The following ADAMTS8 variants were observed in gnomAD, a reference collection of about 807,000 sequenced individuals.
ADAMTS8 encodes the protein A disintegrin and metalloproteinase with thrombospondin motifs 8.
In ADAMTS8, 50 loss-of-function variants were observed where a neutral mutation model predicts 64.4. That is an observed-to-expected ratio of 0.78 (90% CI 0.62 to 0.98). The LOEUF is 0.98. ADAMTS8 is among the 50% of genes least tolerant of loss of function. The pLI is 0.00. For synonymous variants in ADAMTS8, 556 were observed against 533.6 expected, an observed-to-expected ratio of 1.04 and a Z score of -0.58; for missense variants, 1,192 against 1,208.2, an observed-to-expected ratio of 0.99 and a Z score of 0.20.
intron 8 of ADAMTS8, 33 bp downstream of exon 8, chr11:130,408,431 C>T (rs1320091609): frequency 5.6e-6 from 9 of 1,610,624 alleles, no homozygotes; most frequent in Non-Finnish European, 7.6e-6. Flanking sequence ...GCTCTTCTAC[C>T]AAGCAAGGTA....
intron 1 of ADAMTS8, among the ~76,000 whole-genome samples, chr11:130,423,193 T>G (rs983114717): frequency 2.0e-5 from 3 of 152,218 alleles, no homozygotes; most frequent in African/African-American, 7.2e-5. Context: ...CGCCTGTCAT[T>G]GCCTATGCAC....
chr11:130,408,055 A>C (rs1291565301), intron 8 of ADAMTS8, among the ~76,000 whole-genome samples: 1 of 152,150 alleles, frequency 6.6e-6, no homozygotes, highest in East Asian at 1.9e-4. Flanking sequence ...CAGAAAGGAC[A>C]GGGGCTTGCC....
At chr11:130,409,047 A>C in intron 6 of ADAMTS8, 107 bp from the exon 7 acceptor site, 1 of 1,345,004 alleles carries the variant, frequency 7.4e-7, no homozygotes, top group East Asian at 2.5e-5. Context: ...TTTGGTTTTG[A>C]ACTCAACCCA....
Position 130,416,177 on chromosome 11 carries a change from AG to A in ADAMTS8, c.1249del (p.Leu417TrpfsTer226). On this transcript the variant is annotated frameshift_variant, in exon 4 of 9. Coordinates refer to ENST00000257359, the MANE Select transcript of ADAMTS8 (RefSeq NM_007037.6). LOFTEE classifies it high-confidence loss of function. The surrounding 1 kb of genome is among the most constrained non-coding windows in gnomAD (Gnocchi z 4.8). ...PCSAMYLTEL[L>X]DGGHGDCLLD... ...CCGGTGCCTACCGTGCCCGCCGTCC[AG>A]AAGCTCTGTGAGATACATGGCGCTG... The A allele has an allele frequency of 6.3e-7, 1 of 1,589,370 alleles. No individual in the cohort carries two copies. Among genetic ancestry groups the A allele is most frequent in the South Asian group, 1.1e-5 (1 of 87,740 alleles).
At chr11:130,426,877 G>A (rs1862173656) in intron 1 of ADAMTS8, among the ~76,000 whole-genome samples, 1 of 152,222 alleles carries the variant, frequency 6.6e-6, no homozygotes, top group African/African-American at 2.4e-5. Flanking sequence ...CAGCTCCTGG[G>A]CTGAGCCCCC....
intron 6 of ADAMTS8, among the ~76,000 whole-genome samples, chr11:130,410,490 C>T (rs1861938987): frequency 6.6e-6 from 1 of 152,198 alleles, no homozygotes; most frequent in African/African-American, 2.4e-5. Flanking sequence ...GGCAAACTCT[C>T]ATACAATTCC....
chr11:130,422,520 GA>G (rs1163467454), intron 1 of ADAMTS8, among the ~76,000 whole-genome samples: 1 of 152,170 alleles, frequency 6.6e-6, no homozygotes, highest in South Asian at 2.1e-4. Context: ...GTCAGGTGAG[GA>G]AAAGTGGCCC....
rs755958689 is a variant in ADAMTS8 at position 130,428,367 on chromosome 11, C to G, written c.-81G>C. 14 of 1,220,428 alleles carry G rather than the reference C, an allele frequency of 1.1e-5. No homozygotes were observed. The African/African-American group carries it at 2.1e-4, about 18-fold the overall frequency. The allele number at this position is 1,220,428 out of a possible 1,614,324, so 75.6% of individuals were successfully genotyped here. A position where few individuals can be genotyped will look rare whatever the true frequency, so the allele number is the denominator to read the frequency against. On this transcript the variant is annotated 5_prime_UTR_variant, in exon 1 of 9. Transcript: ENST00000257359. ...CAGGTGCTGGCGGCCCGAGCGCGGC[C>G]CGGCCGCTCTCTCCAGGAAAAGCGG...
At position 130,411,184 on chromosome 11, in the gene ADAMTS8, G is replaced by A. The variant is rs1385830147; in HGVS notation, c.1750+233C>T. ...CTTTGCCAGGCTCTCTGAACACTAT[G>A]AGAGCTGTCCCGGGTCCCTGAGAGC... On this transcript the variant is annotated intron_variant, in intron 6 of 8. Transcript: ENST00000257359. The surrounding 1 kb of genome is among the most constrained non-coding windows in gnomAD (Gnocchi z 4.2). Among the ~76,000 whole-genome samples, 6 of 152,116 alleles carry A rather than the reference G, an allele frequency of 3.9e-5. No individual in the cohort carries two copies. Among genetic ancestry groups the A allele is most frequent in the Admixed American group, 3.9e-4 (6 of 15,278 alleles).
In ADAMTS8 at chr11:130,416,330, C is replaced by A; in HGVS notation, c.1097G>T (p.Gly366Val). ...GTCGTGGGGCATGCTGAGGACGTGC[C>A]CTGGGGAGAGAGGCCTGGTCCACTC... Reference protein sequence around the residue: ...QAAHTLAHELGHVLSMPHDDS... With the variant: ...QAAHTLAHELVHVLSMPHDDS... The change falls in exon 4 of 9, where the codon GGG becomes GTG. Residue 366 changes from glycine (G) to valine (V), a missense_variant and splice_region_variant. Around this residue, in one of 5 missense-constraint regions of ADAMTS8, gnomAD observed 741 missense variants for 710.6 expected, o/e 1.04. Coordinates refer to ENST00000257359, the MANE Select transcript of ADAMTS8 (RefSeq NM_007037.6). The surrounding 1 kb of genome is among the most constrained non-coding windows in gnomAD (Gnocchi z 4.8). The A allele has an allele frequency of 6.4e-7, 1 of 1,558,410 alleles. No individual in the cohort carries two copies. Among genetic ancestry groups the A allele is most frequent in the Non-Finnish European group, 8.7e-7 (1 of 1,151,730 alleles).
intron 1 of ADAMTS8, 109 bp downstream of exon 1, chr11:130,427,451 CTTTTTTT>C (rs36087476): frequency 1.4e-3 from 596 of 437,268 alleles, no homozygotes; most frequent in Middle Eastern, 3.4e-3. Context: ...GTGGGGAGGG[CTTTTTTT>C]TTTTTTTTTT....
chr11:130,414,430 C>G, intron 5 of ADAMTS8, 101 bp downstream of exon 5: 2 of 1,393,970 alleles, frequency 1.4e-6, no homozygotes, highest in Non-Finnish European at 1.9e-6. Context: ...CGGTTCATGA[C>G]TCTCAAGTGT....
rs1409870241 is a variant in ADAMTS8 at position 130,411,789 on chromosome 11, C to T, written c.1567-189G>A. 7 of 633,822 alleles carry T rather than the reference C, an allele frequency of 1.1e-5. No homozygotes were observed. Among genetic ancestry groups the T allele is most frequent in the Admixed American group, 8.8e-5 (3 of 33,992 alleles). 39.3% of individuals were successfully genotyped at this position (633,822 alleles called of 1,614,324 possible). On this transcript the variant is annotated intron_variant, in intron 5 of 8. Coordinates refer to ENST00000257359, the MANE Select transcript of ADAMTS8 (RefSeq NM_007037.6). This position sits in a 1 kb window ranked among gnomAD's most constrained non-coding sequence, Gnocchi z 4.2. The stretch of plus-strand genomic sequence containing the variant: ...TGCATGGCTTTGTGAGCACAGAGAC[C>T]AGGCTGGACTCATTCACTACTGACT...
chr11:130,427,768 C>G lies in ADAMTS8; in HGVS notation c.519G>C (p.Glu173Asp). 6.9e-6 allele frequency: 11 copies of G among 1,593,152 alleles called. No individual in the cohort carries two copies. Among genetic ancestry groups the G allele is most frequent in the Non-Finnish European group, 9.4e-6 (11 of 1,170,898 alleles). Residue 173 changes from glutamate (E) to aspartate (D), a missense_variant, in exon 1 of 9, where the codon GAG (glutamate) becomes GAC (aspartate). Physicochemically the swap from Glu to Asp is conservative, Grantham distance 45. This residue lies in a region of ADAMTS8 where 741 missense variants were observed against 710.6 expected (regional missense o/e 1.04). Transcript: ENST00000257359. The stretch of plus-strand genomic sequence containing the variant: ...GGTCTCCTCTCTCCTGCCTCTGACC[C>G]TCTCCCGTCTCCACCTCCCACTCGG... ...RGPEWEVETG[E>D]GQRQERGDHQ...
chr11:130,414,988 T>C (rs1234521068), intron 4 of ADAMTS8, among the ~76,000 whole-genome samples, 156 bp from the exon 5 acceptor site: 3 of 152,214 alleles, frequency 2.0e-5, no homozygotes, highest in African/African-American at 7.2e-5. Context: ...AGTGAGAGCA[T>C]GCCTAATTTT....
chr11:130,413,011 T>C (rs7952710), intron 5 of ADAMTS8, among the ~76,000 whole-genome samples: 13,746 of 152,114 alleles, frequency 0.09, 847 homozygotes, highest in African/African-American at 0.18. Context: ...GCTGGGATTA[T>C]AGGCACCTGC....
rs1373946877 is a variant in ADAMTS8, at chr11:130,416,455, C to T, written c.1097-125G>A. On this transcript the variant is annotated intron_variant, in intron 3 of 8. Coordinates refer to ENST00000257359, the MANE Select transcript of ADAMTS8 (RefSeq NM_007037.6). The surrounding 1 kb of genome is among the most constrained non-coding windows in gnomAD (Gnocchi z 4.8). ...CCCCCTCACTCTCCGAAGATTTCTG[C>T]GTAGGGCTTTCCCCTGCGCTTTGCT... The T allele has an allele frequency of 4.6e-5, 51 of 1,107,880 alleles. No homozygotes were observed. The highest frequency in any genetic ancestry group is 3.9e-4 in the South Asian group (23 of 58,628). 68.6% of individuals were successfully genotyped at this position (1,107,880 alleles called of 1,614,324 possible).
In ADAMTS8 at chr11:130,416,609, T is replaced by A. The variant is rs894430504; in HGVS notation, c.1097-279A>T. 1.6e-4 allele frequency among the ~76,000 whole-genome samples: 25 copies of A among 152,364 alleles called. No homozygotes were observed. The highest frequency in any genetic ancestry group is 6.0e-4 in the African/African-American group (25 of 41,590). ...CATGACAGTCCCTGGACCATTGTTCTTCCCCCAGATCCCACGGCTTAGCTT... is the reference window on the plus strand; with the variant it reads ...CATGACAGTCCCTGGACCATTGTTCATCCCCCAGATCCCACGGCTTAGCTT... On this transcript the variant is annotated intron_variant, in intron 3 of 8. Transcript: ENST00000257359. The surrounding 1 kb of genome is among the most constrained non-coding windows in gnomAD (Gnocchi z 4.8).
rs779650078 is a variant in ADAMTS8, at chr11:130,419,196, C to T, written c.817G>A (p.Val273Ile). Residue 273 changes from valine (V) to isoleucine (I), a missense_variant, in exon 2 of 9, where the codon GTA becomes ATA. Around this residue, in one of 5 missense-constraint regions of ADAMTS8, gnomAD observed 741 missense variants for 710.6 expected, o/e 1.04. Coordinates refer to ENST00000257359, the MANE Select transcript of ADAMTS8 (RefSeq NM_007037.6). ...INLMVVKVLI[V>I]EDEKWGPEVS... ...TCTGGGCCCCATTTTTCATCTTCTA[C>T]GATCAGCACTTTTACCACCATCAGG... The T allele has an allele frequency of 1.9e-5, 31 of 1,614,072 alleles. No homozygotes were observed. The highest frequency in any genetic ancestry group is 6.6e-5 in the South Asian group (6 of 91,084).
Sources: gnomAD v4.1 joint callset for allele counts (sites outside exome capture counted in the v4.1 genomes callset) on GRCh38, gnomAD v4.1.1 for gene constraint, gnomAD v4.1.1 regional missense constraint, Gnocchi (gnomAD v3.1) non-coding constraint, MANE v1.5 for transcripts, NCBI Gene and HGNC (gene_info 2026-07-23, HGNC 2026-07-21) for gene names.